The following MYO1D variants were observed in gnomAD, a reference collection of about 807,000 sequenced individuals.
MYO1D encodes myosin ID.
In MYO1D, 83 loss-of-function variants were observed where a neutral mutation model predicts 122.0. That is an observed-to-expected ratio of 0.68 (90% CI 0.57 to 0.82). The LOEUF is 0.82. MYO1D is among the 40% of genes least tolerant of loss of function. MYO1D has a pLI of 0.00. For synonymous variants in MYO1D, 464 were observed against 446.9 expected (o/e 1.04, Z -0.48); for missense variants, 1,157 against 1,269.5 (o/e 0.91, Z 1.35).
intron 16 of MYO1D, among the ~76,000 whole-genome samples, chr17:32,664,396 G>A (rs1272034506): frequency 6.6e-6 from 1 of 152,196 alleles, no homozygotes; most frequent in Non-Finnish European, 1.5e-5. Flanking sequence ...GTAAAGGACT[G>A]TGCCTGATGA....
At chr17:32,535,524 G>A (rs1258393306) in intron 21 of MYO1D, among the ~76,000 whole-genome samples, 3 of 152,300 alleles carry the variant, frequency 2.0e-5, no homozygotes, top group African/African-American at 7.2e-5. Context: ...AAGGTGGACG[G>A]ATCACAAGGT....
chr17:32,659,431 A>T, intron 16 of MYO1D, 93 bp from the exon 17 acceptor site: 1 of 1,299,076 alleles, frequency 7.7e-7, no homozygotes, highest in Non-Finnish European at 1.1e-6. Context: ...TTACAAACTC[A>T]ACCAGGCAAC....
chr17:32,503,483 G>A (rs1029299569), intron 21 of MYO1D, among the ~76,000 whole-genome samples: 1 of 152,238 alleles, frequency 6.6e-6, no homozygotes, highest in African/African-American at 2.4e-5. Flanking sequence ...CACTTCAAGG[G>A]AAAATGCAGT....
chr17:32,555,815 C>T (rs1202755340), intron 21 of MYO1D, among the ~76,000 whole-genome samples: 1 of 152,196 alleles, frequency 6.6e-6, no homozygotes, highest in East Asian at 1.9e-4. Flanking sequence ...ATTCCTCAAG[C>T]ATACTAAGTT....
chr17:32,519,903 A>ATTT (rs1567875111), intron 21 of MYO1D, among the ~76,000 whole-genome samples: 2,252 of 127,704 alleles, frequency 0.018, 29 homozygotes, highest in East Asian at 0.12. Flanking sequence ...TTTTTTTTTA[A>ATTT]AAAAAAAAAC....
intron 1 of MYO1D, among the ~76,000 whole-genome samples, chr17:32,782,231 G>A (rs1181476397): frequency 6.6e-6 from 1 of 152,168 alleles, no homozygotes; most frequent in African/African-American, 2.4e-5. Context: ...AGTATTTAGA[G>A]TATTTTAACA....
Position 32,493,968 on chromosome 17 carries a change from T to C in MYO1D, c.*791A>G, listed in dbSNP as rs925607712. On this transcript the variant is annotated 3_prime_UTR_variant, in exon 22 of 22. Transcript: ENST00000318217. Reference sequence around the variant, plus strand: ...CTGACCCAAGTGTGGTGACAGCAGGTATCTGATTAGCAACCCTGCAAACGG... The same window carrying C: ...CTGACCCAAGTGTGGTGACAGCAGGCATCTGATTAGCAACCCTGCAAACGG... The C allele has an allele frequency of 6.6e-6, 1 of 152,234 alleles. No homozygotes were observed. The highest frequency in any genetic ancestry group is 1.5e-5 in the Non-Finnish European group (1 of 68,072). The allele number at this position is 152,234 out of a possible 1,614,324, so 9.4% of individuals were successfully genotyped here.
chr17:32,731,233 C>A (rs1361137851), intron 14 of MYO1D, among the ~76,000 whole-genome samples: 1 of 152,128 alleles, frequency 6.6e-6, no homozygotes, highest in African/African-American at 2.4e-5. Context: ...TTATATGTTT[C>A]ATTTCTTAGT....
At chr17:32,605,698 T>C (rs2087619173) in intron 20 of MYO1D, among the ~76,000 whole-genome samples, 1 of 152,094 alleles carries the variant, frequency 6.6e-6, no homozygotes, top group Admixed American at 6.6e-5. Flanking sequence ...AGAGGGGCCA[T>C]CTCTATAGAC....
intron 21 of MYO1D, among the ~76,000 whole-genome samples, chr17:32,555,190 C>G (rs2087057592): frequency 6.6e-6 from 1 of 152,172 alleles, no homozygotes; most frequent in Middle Eastern, 3.4e-3. Flanking sequence ...CACAAATTTC[C>G]TGTGTCACTG....
intron 19 of MYO1D, among the ~76,000 whole-genome samples, chr17:32,651,308 T>C (rs1260817015): frequency 6.6e-6 from 1 of 152,206 alleles, no homozygotes; most frequent in East Asian, 1.9e-4. Flanking sequence ...CATATGCACA[T>C]ATGTATGTGC....
chr17:32,705,510 G>A (rs974378567), intron 16 of MYO1D, among the ~76,000 whole-genome samples: 40 of 152,106 alleles, frequency 2.6e-4, no homozygotes, highest in Non-Finnish European at 3.4e-4. Flanking sequence ...TGATCCGCCC[G>A]CCTTGGCCTC....
chr17:32,521,010 A>G (rs1910117895), intron 21 of MYO1D, among the ~76,000 whole-genome samples: 1 of 152,244 alleles, frequency 6.6e-6, no homozygotes, highest in African/African-American at 2.4e-5. Context: ...TTTGTTCAGC[A>G]AAATCTAGAG....
chr17:32,652,290 T>G (rs546525573), intron 19 of MYO1D, among the ~76,000 whole-genome samples: 1 of 152,304 alleles, frequency 6.6e-6, no homozygotes, highest in Non-Finnish European at 1.5e-5. Context: ...TATCAACACT[T>G]TAAAGACTGC....
intron 21 of MYO1D, among the ~76,000 whole-genome samples, chr17:32,509,162 A>C (rs1909598941): frequency 6.6e-6 from 1 of 152,224 alleles, no homozygotes; most frequent in Non-Finnish European, 1.5e-5. Context: ...CAGGTGGGGT[A>C]CATGTCCCGG....
chr17:32,826,402 A>G (rs909179671), intron 1 of MYO1D, among the ~76,000 whole-genome samples: 1 of 152,242 alleles, frequency 6.6e-6, no homozygotes, highest in Admixed American at 6.5e-5. Context: ...GAAAAAATAC[A>G]TAGAGATGCT....
chr17:32,626,497 G>A (rs985581861), intron 20 of MYO1D, among the ~76,000 whole-genome samples: 2 of 152,110 alleles, frequency 1.3e-5, no homozygotes, highest in African/African-American at 2.4e-5. Context: ...GCTTTCAGAC[G>A]TTGCTTTGAG....
rs2087552068 is a variant in MYO1D at position 32,600,743 on chromosome 17, C to T, written c.2864+4344G>A. On this transcript the variant is annotated intron_variant, in intron 21 of 21. Transcript: ENST00000318217. ...GGCTGGTTTGATCTTTTATCCAGAC[C>T]ACTCAAACTTTCTCCGTATCAGCAA... Among the ~76,000 whole-genome samples, 4 of 152,250 alleles carry T rather than the reference C, an allele frequency of 2.6e-5. No homozygotes were observed. In the South Asian group the frequency reaches 8.3e-4, roughly 32 times the overall value.
intron 14 of MYO1D, among the ~76,000 whole-genome samples, chr17:32,732,707 A>T (rs960403196): frequency 6.6e-5 from 10 of 152,194 alleles, no homozygotes; most frequent in Non-Finnish European, 1.3e-4. Flanking sequence ...ACAGGACAAC[A>T]ACTCAGAATC....
Sources: allele counts gnomAD v4.1 joint callset (sites outside exome capture counted in the v4.1 genomes callset), GRCh38; gene constraint gnomAD v4.1.1; transcripts MANE v1.5; gene names NCBI Gene and HGNC (gene_info 2026-07-23, HGNC 2026-07-21).